The following AGFG1 variants were observed in gnomAD, a reference collection of about 807,000 sequenced individuals.
The protein encoded by AGFG1 is ArfGAP with FG repeats 1.
Under a neutral mutation model 60.6 loss-of-function variants are expected in AGFG1, and 10 were observed. The ratio of observed to expected loss-of-function variants is 0.16; its 90% CI spans 0.10 to 0.28. The LOEUF (loss-of-function observed/expected upper bound fraction) is 0.28. Among genes scored for constraint, AGFG1 ranks in the 10% least tolerant of loss-of-function variants. The probability of loss-of-function intolerance (pLI) is 1.00; values close to 1 mark genes in which losing one functional copy is unlikely to be tolerated. For synonymous variants in AGFG1, 247 were observed against 242.9 expected (o/e 1.02, Z -0.16); for missense variants, 537 against 676.5 (o/e 0.79, Z 2.29).
chr2:227,500,794 A>G (rs1691130810), intron 2 of AGFG1, among the ~76,000 whole-genome samples: 1 of 151,704 alleles, frequency 6.6e-6, no homozygotes, highest in South Asian at 2.1e-4. Flanking sequence ...TAAATTAAAA[A>G]AAAAATTTTT....
intron 1 of AGFG1, among the ~76,000 whole-genome samples, chr2:227,491,023 C>T (rs935359652): frequency 3.0e-4 from 46 of 152,176 alleles, no homozygotes; most frequent in Admixed American, 5.2e-4. Flanking sequence ...GAATTGATGG[C>T]AAGATAGGAC....
At chr2:227,485,015 G>A (rs1258371612) in intron 1 of AGFG1, among the ~76,000 whole-genome samples, 1 of 151,598 alleles carries the variant, frequency 6.6e-6, no homozygotes, top group Non-Finnish European at 1.5e-5. Context: ...TAGCCTAGTG[G>A]GTTTTTTTGT....
chr2:227,548,378 A>T (rs1422373769), intron 10 of AGFG1, among the ~76,000 whole-genome samples: 1 of 152,244 alleles, frequency 6.6e-6, no homozygotes, highest in Admixed American at 6.5e-5. Flanking sequence ...AGTCTAAAAA[A>T]AGTTTAGAGC....
intron 4 of AGFG1, 76 bp downstream of exon 4, chr2:227,524,001 A>G: frequency 7.2e-7 from 1 of 1,394,826 alleles, no homozygotes; most frequent in African/African-American, 1.4e-5. Context: ...GAATTGTTTA[A>G]GACAGCAGCA....
At position 227,517,828 on chromosome 2, in the gene AGFG1, T is replaced by G. The variant is rs191654883; in HGVS notation, c.262-2120T>G. ...AAACTCGTGGACTTGTTTTTGATAA[T>G]TTTGCTGAGGAATAGTTGATAACTT... is the stretch of plus-strand genomic sequence containing the variant. On this transcript the variant is annotated intron_variant, in intron 2 of 12. Transcript: ENST00000310078. Among the ~76,000 whole-genome samples, 101 of 152,312 alleles carry G rather than the reference T, an allele frequency of 6.6e-4. 1 individual carries two copies. Among genetic ancestry groups the G allele is most frequent in the African/African-American group, 2.4e-3 (99 of 41,572 alleles).
intron 1 of AGFG1, among the ~76,000 whole-genome samples, chr2:227,478,138 T>A (rs1235472064): frequency 2.2e-5 from 2 of 91,686 alleles, no homozygotes; most frequent in Admixed American, 2.4e-4. Flanking sequence ...ATTCTCGTGC[T>A]ATTTTTTATA....
chr2:227,531,570 A>G (rs1413192131), intron 6 of AGFG1, among the ~76,000 whole-genome samples: 1 of 145,086 alleles, frequency 6.9e-6, no homozygotes, highest in Non-Finnish European at 1.5e-5. Context: ...GATGGAATAC[A>G]GGCACATGCC....
rs1693035485 is a variant in AGFG1, at chr2:227,558,318, G to C, written c.*3823G>C. The C allele has an allele frequency of 6.6e-6, 1 of 151,428 alleles. No individual in the cohort carries two copies. Among genetic ancestry groups the C allele is most frequent in the Non-Finnish European group, 1.5e-5 (1 of 67,878 alleles). 9.4% of individuals were successfully genotyped at this position (151,428 alleles called of 1,614,324 possible). A position where few individuals can be genotyped will look rare whatever the true frequency, so the allele number is the denominator to read the frequency against. On this transcript the variant is annotated 3_prime_UTR_variant, in exon 13 of 13. Transcript: ENST00000310078. ...AAATTCTGAACAAGTTAACGTTCTTGTCTTGTATATCTAAAAAAACTTTAA... is the reference window on the plus strand; with the variant it reads ...AAATTCTGAACAAGTTAACGTTCTTCTCTTGTATATCTAAAAAAACTTTAA...
chr2:227,485,700 C>G (rs910492796), intron 1 of AGFG1, among the ~76,000 whole-genome samples: 20 of 152,170 alleles, frequency 1.3e-4, no homozygotes, highest in African/African-American at 4.8e-4. Flanking sequence ...CTAATCTGCT[C>G]TCTACCTGAT....
chr2:227,545,732 G>A (rs1354225499), intron 10 of AGFG1, among the ~76,000 whole-genome samples: 1 of 152,172 alleles, frequency 6.6e-6, no homozygotes, highest in Non-Finnish European at 1.5e-5. Context: ...TCAGCTGCAG[G>A]TCTGTTGGAG....
At chr2:227,483,478 A>T (rs905300574) in intron 1 of AGFG1, among the ~76,000 whole-genome samples, 23 of 151,958 alleles carry the variant, frequency 1.5e-4, no homozygotes, top group African/African-American at 5.3e-4. Context: ...ACCCCAAAAA[A>T]CTTTTAGCCC....
rs869114764 is a variant in AGFG1, at chr2:227,497,735, G to GTTTTTTTTTTTTTTTTTTTT, written c.261+6102_261+6121dup. ...GCCAAATGAGTTTCTTTCTTGTTTTGTTTTTTTTTTTTTTTTTTTTTTTTT... is the reference window on the plus strand; with the variant it reads ...GCCAAATGAGTTTCTTTCTTGTTTTGTTTTTTTTTTTTTTTTTTTTTTTTTTTTTTTTTTTTTTTTTTTTT... On this transcript the variant is annotated intron_variant, in intron 2 of 12. Coordinates refer to ENST00000310078, the MANE Select transcript of AGFG1 (RefSeq NM_004504.5). Among the ~76,000 whole-genome samples, 8 of 28,016 alleles carry GTTTTTTTTTTTTTTTTTTTT rather than the reference G, an allele frequency of 2.9e-4. 3 individuals are homozygous for GTTTTTTTTTTTTTTTTTTTT. The highest frequency in any genetic ancestry group is 5.1e-4 in the African/African-American group (4 of 7,900). 18.4% of individuals were successfully genotyped at this position (28,016 alleles called of 152,430 possible).
At chr2:227,508,688 AT>A (rs11464376) in intron 2 of AGFG1, 9,103 of 386,018 alleles carry the variant, frequency 0.024, 4 homozygotes, top group South Asian at 0.026. Context: ...CACTGTTGGG[AT>A]TTTTTTTTTT....
At chr2:227,536,374 A>G (rs1036257715) in intron 8 of AGFG1, among the ~76,000 whole-genome samples, 5 of 152,130 alleles carry the variant, frequency 3.3e-5, no homozygotes, top group Admixed American at 6.5e-5. Flanking sequence ...ACTAGTCGTT[A>G]CAATAGTCAT....
intron 5 of AGFG1, among the ~76,000 whole-genome samples, chr2:227,529,674 A>G (rs956081948): frequency 2.0e-4 from 31 of 152,262 alleles, no homozygotes; most frequent in Admixed American, 4.6e-4. Flanking sequence ...GATGATAAAC[A>G]TCATATCCCA....
At chr2:227,501,893 CTG>C (rs200297111) in intron 2 of AGFG1, among the ~76,000 whole-genome samples, 3,316 of 151,522 alleles carry the variant, frequency 0.022, 69 homozygotes, top group Middle Eastern at 0.086. Context: ...GGTTCTTACT[CTG>C]TTGTCCAGGC....
rs78385326 is a variant in AGFG1 at position 227,555,678 on chromosome 2, T to C, written c.*1183T>C. 0.054 allele frequency: 8,272 copies of C among 152,674 alleles called. 292 individuals carry two copies. Among genetic ancestry groups the C allele is most frequent in the African/African-American group, 0.09 (3,738 of 41,534 alleles). 9.5% of individuals were successfully genotyped at this position (152,674 alleles called of 1,614,324 possible). On this transcript the variant is annotated 3_prime_UTR_variant, in exon 13 of 13. Transcript: ENST00000310078. ...TACTTTGTTTTAAAGGAAAAGATAA[T>C]AAGTTTAGTTATATCTTTTTGTTAA...
At chr2:227,507,273 C>T (rs890298684) in intron 2 of AGFG1, among the ~76,000 whole-genome samples, 15 of 152,080 alleles carry the variant, frequency 9.9e-5, no homozygotes, top group South Asian at 4.2e-4. Context: ...CATAAAAATG[C>T]GGAAGCAGAT....
intron 1 of AGFG1, among the ~76,000 whole-genome samples, chr2:227,482,463 C>T (rs913711576): frequency 6.6e-6 from 1 of 152,152 alleles, no homozygotes; most frequent in East Asian, 1.9e-4. Context: ...AGGCACCTTC[C>T]TTCCATCTGT....
Sources: allele counts gnomAD v4.1 joint callset (sites outside exome capture counted in the v4.1 genomes callset), GRCh38; gene constraint gnomAD v4.1.1; transcripts MANE v1.5; gene names NCBI Gene and HGNC (gene_info 2026-07-23, HGNC 2026-07-21).